Variants in PPP2R1B observed in about 807,000 individuals in gnomAD.
The protein encoded by PPP2R1B is protein phosphatase 2 scaffold subunit Abeta, also known as serine/threonine-protein phosphatase 2A 65 kDa regulatory subunit A beta isoform.
A neutral mutation model predicts 72.7 loss-of-function variants in PPP2R1B; 58 were observed. The observed-to-expected ratio is 0.80, with a 90% CI of 0.65 to 0.99. PPP2R1B has a LOEUF of 0.99. Among genes scored for constraint, PPP2R1B ranks in the 50% least tolerant of loss-of-function variants. PPP2R1B has a pLI of 0.00. For synonymous variants in PPP2R1B, 256 were observed against 264.6 expected (o/e 0.97, Z 0.32); for missense variants, 695 against 733.6 (o/e 0.95, Z 0.61).
chr11:111,721,393 CAAAT>C, the PPP2R1B span, among the ~76,000 whole-genome samples: 5 of 152,160 alleles, frequency 3.3e-5, no homozygotes, highest in Admixed American at 3.3e-4. Context: ...GAAAAATACA[CAAAT>C]GAACTACACC....
chr11:111,723,661 C>A (rs1165542694), downstream of PPP2R1B: 1 of 1,613,738 alleles, frequency 6.2e-7, no homozygotes, highest in East Asian at 2.2e-5. Context: ...TCAGCCTGAC[C>A]CAGCCCCTGA....
chr11:111,705,003 G>A, the PPP2R1B span: 1 of 1,606,710 alleles, frequency 6.2e-7, no homozygotes, highest in Non-Finnish European at 8.5e-7. This position sits in a 1 kb window ranked among gnomAD's most constrained non-coding sequence, Gnocchi z 4.3. Context: ...CAGAACAAGA[G>A]CTATAACCAC....
downstream of PPP2R1B, chr11:111,723,902 C>T: frequency 6.2e-7 from 1 of 1,613,622 alleles, no homozygotes; most frequent in East Asian, 2.2e-5. Context: ...TTGTGAGCTG[C>T]CAAGCGCTGC....
At chr11:111,765,910 G>A (rs1945514123) in intron 1 of PPP2R1B, 1 of 508,062 alleles carries the variant, frequency 2.0e-6, no homozygotes, top group Non-Finnish European at 3.8e-6. Context: ...GCCTGGCACC[G>A]CGCTTCTCCT....
chr11:111,692,872 A>G, the PPP2R1B span, among the ~76,000 whole-genome samples: 1 of 152,118 alleles, frequency 6.6e-6, no homozygotes, highest in Non-Finnish European at 1.5e-5. Context: ...GAATAAATGA[A>G]CTGCTTTAGC....
chr11:111,721,643 A>G, the PPP2R1B span, among the ~76,000 whole-genome samples: 8 of 152,208 alleles, frequency 5.3e-5, no homozygotes, highest in African/African-American at 1.9e-4. Flanking sequence ...AACTAGAGAT[A>G]ATACATGCAT....
the PPP2R1B span, among the ~76,000 whole-genome samples, chr11:111,694,785 G>A: frequency 6.6e-6 from 1 of 152,078 alleles, no homozygotes; most frequent in Admixed American, 6.6e-5. Flanking sequence ...TGGCTCAAAG[G>A]GTTTGGTTTG....
chr11:111,747,858 G>T, intron 11 of PPP2R1B, 96 bp downstream of exon 11: 1 of 1,172,580 alleles, frequency 8.5e-7, no homozygotes, highest in Non-Finnish European at 1.2e-6. Context: ...CAATATTAAG[G>T]CAAAATATCT....
chr11:111,745,932 C>T (rs1372492329), intron 11 of PPP2R1B, among the ~76,000 whole-genome samples: 11 of 152,194 alleles, frequency 7.2e-5, no homozygotes. Flanking sequence ...AAGTACAAAA[C>T]AATTTCAGAG....
chr11:111,762,355 T>G (rs1371708939), intron 3 of PPP2R1B, among the ~76,000 whole-genome samples: 4 of 152,204 alleles, frequency 2.6e-5, no homozygotes, highest in Non-Finnish European at 5.9e-5. Context: ...GTTTCTCACT[T>G]GCCAATGCAT....
Position 111,759,866 on chromosome 11 carries a change from C to G in PPP2R1B, c.625G>C (p.Glu209Gln), listed in dbSNP as rs781870224. 114 of 1,613,964 alleles carry G rather than the reference C, an allele frequency of 7.1e-5. No homozygotes were observed. The highest frequency in any genetic ancestry group is 9.6e-5 in the Non-Finnish European group (113 of 1,180,016). ...SKLGEFAKVL[E>Q]LDSVKSEIVP... ...ATTTCACTTTTCACACTGTCTAATTCCAAAACTTTTGCAAATTCACCCAAT... is the reference window on the plus strand; with the variant it reads ...ATTTCACTTTTCACACTGTCTAATTGCAAAACTTTTGCAAATTCACCCAAT... Residue 209 changes from glutamate (E) to glutamine (Q), a missense_variant, in exon 5 of 15, where the codon GAA becomes CAA. By Grantham distance (29) the Glu-to-Gln change is conservative (BLOSUM62 2). Transcript: ENST00000527614.
chr11:111,700,137 G>A, the PPP2R1B span, among the ~76,000 whole-genome samples: 1 of 152,224 alleles, frequency 6.6e-6, no homozygotes, highest in African/African-American at 2.4e-5. Context: ...TTTAATGCAT[G>A]TTGAAGGCAT....
the PPP2R1B span, among the ~76,000 whole-genome samples, chr11:111,697,367 G>A: frequency 0.24 from 36,098 of 152,040 alleles, 4,549 homozygotes; most frequent in Middle Eastern, 0.32. Context: ...GCTGAGAGCT[G>A]GGAGTACAGA....
At chr11:111,725,166 G>A (rs994218195), downstream of PPP2R1B, 2 of 152,616 alleles carry the variant, frequency 1.3e-5, no homozygotes, top group South Asian at 2.1e-4. Context: ...GTGGTAGTGC[G>A]GTGCCTTTCC....
the PPP2R1B span, among the ~76,000 whole-genome samples, chr11:111,702,647 C>G: frequency 6.6e-6 from 1 of 152,084 alleles, no homozygotes; most frequent in Non-Finnish European, 1.5e-5. Flanking sequence ...AGGAGGTTAC[C>G]TTATGTGTGA....
intron 10 of PPP2R1B, among the ~76,000 whole-genome samples, chr11:111,751,934 A>G (rs1279161737): frequency 6.6e-6 from 1 of 152,206 alleles, no homozygotes; most frequent in Non-Finnish European, 1.5e-5. Flanking sequence ...CCAAGATTGC[A>G]TCATTGCACT....
chr11:111,730,291 C>G (rs1428079289), intron 15 of PPP2R1B: 1 of 152,190 alleles, frequency 6.6e-6, no homozygotes, highest in African/African-American at 2.4e-5. Context: ...TCTGTGGTGT[C>G]TGTCTGCAGA....
At chr11:111,755,271 AG>A in intron 6 of PPP2R1B, 23 bp downstream of exon 6, 11 of 1,585,016 alleles carry the variant, frequency 6.9e-6, no homozygotes, top group Non-Finnish European at 9.4e-6. Flanking sequence ...TTATTTCCTT[AG>A]TACTTAAAAA....
At position 111,766,312 on chromosome 11, in the gene PPP2R1B, T is replaced by G. The variant is rs1591720612; in HGVS notation, c.50A>C (p.Asp17Ala). 3.2e-6 allele frequency: 5 copies of G among 1,581,996 alleles called. No homozygotes were observed. In the African/African-American group the frequency reaches 6.3e-5, roughly 20 times the overall value. ...GATCGGGTATAGCGAATCATCTCCA[T>G]CTCCACCCGCTGCTCCTGGGCCGGT... ...LGTGPGAAGG[D>A]GDDSLYPIAV... Residue 17 changes from aspartate (D) to alanine (A), a missense_variant, in exon 1 of 15, where the codon GAT becomes GCT. Coordinates refer to ENST00000527614, the MANE Select transcript of PPP2R1B (RefSeq NM_002716.5).
Sources: allele counts gnomAD v4.1 joint callset (sites outside exome capture counted in the v4.1 genomes callset), GRCh38; gene constraint gnomAD v4.1.1; non-coding constraint Gnocchi (gnomAD v3.1); transcripts MANE v1.5; gene names NCBI Gene and HGNC (gene_info 2026-07-23, HGNC 2026-07-21).